The following OGFR variants were observed in gnomAD, a reference collection of about 807,000 sequenced individuals.
The protein encoded by OGFR is protein 7-60.
A neutral mutation model predicts 33.6 loss-of-function variants in OGFR; 18 were observed. The observed-to-expected ratio is 0.54, with a 90% CI of 0.37 to 0.80. The LOEUF (loss-of-function observed/expected upper bound fraction) is 0.80, where lower values mean the gene tolerates loss of function less well. OGFR is among the 30% of genes least tolerant of loss of function. The pLI is 0.00. For missense variants in OGFR, 877 were observed against 955.8 expected, an observed-to-expected ratio of 0.92 and a Z score of 1.09; for synonymous variants, 370 against 400.7, an observed-to-expected ratio of 0.92 and a Z score of 0.91.
At position 62,808,324 on chromosome 20, in the gene OGFR, C is replaced by T. The variant is rs1280719375; in HGVS notation, c.318C>T (p.Asn106=). The T allele has an allele frequency of 1.3e-5, 21 of 1,610,880 alleles. No homozygotes were observed. Among genetic ancestry groups the T allele is most frequent in the African/African-American group, 9.3e-5 (7 of 74,878 alleles). ...FYRNEIRFLP[N]GCFIEDILQN... ...GAAATGAGATCCGCTTCCTGCCCAA[C>T]GGTAGGTGCCTCACAACCACTGGCA... Residue 106 remains asparagine (N), a splice_region_variant and synonymous_variant, in exon 3 of 7, where the codon AAC becomes AAT. Transcript: ENST00000290291.
chr20:62,807,139 A>G, intron 1 of OGFR: 1 of 245,856 alleles, frequency 4.1e-6, no homozygotes, highest in Non-Finnish European at 8.0e-6. Flanking sequence ...GGGGCACAGA[A>G]CAGAGGCTAA....
In OGFR at chr20:62,808,311, G is replaced by A. The variant is rs930771693; in HGVS notation, c.305G>A (p.Arg102His). ...CTGAGTTTCTACAGAAATGAGATCC[G>A]CTTCCTGCCCAACGGTAGGTGCCTC... Reference protein sequence around the residue: ...PNLSFYRNEIRFLPNGCFIED... With the variant: ...PNLSFYRNEIHFLPNGCFIED... The change falls in exon 3 of 7, where the codon CGC becomes CAC. Residue 102 changes from arginine (R) to histidine (H), a missense_variant. Coordinates refer to ENST00000290291, the MANE Select transcript of OGFR (RefSeq NM_007346.4). 1.7e-5 allele frequency: 27 copies of A among 1,612,814 alleles called. No homozygotes were observed. Among genetic ancestry groups the A allele is most frequent in the African/African-American group, 2.7e-5 (2 of 74,916 alleles).
rs1008093564 is a variant in OGFR at position 62,813,606 on chromosome 20, A to T, written c.1991A>T (p.Gln664Leu). 1.2e-6 allele frequency: 2 copies of T among 1,612,718 alleles called. No individual in the cohort carries two copies. Among genetic ancestry groups the T allele is most frequent in the African/African-American group, 2.7e-5 (2 of 74,912 alleles). ...AAGGCGGGGGAGGCAGCAGAGTTGC[A>T]GGACGCAGAGGTGGAGTCTTCTGCC... ...PAKAGEAAEL[Q>L]DAEVESSAKS... is the part of the protein sequence containing the mutation. The change falls in exon 7 of 7, where the codon CAG becomes CTG. Residue 664 changes from glutamine to leucine, a missense_variant. Coordinates refer to ENST00000290291, the MANE Select transcript of OGFR (RefSeq NM_007346.4).
At chr20:62,809,709 G>A (rs45585738) in intron 4 of OGFR, 46 bp downstream of exon 4, 159,564 of 1,336,806 alleles carry the variant, frequency 0.12, 18,865 homozygotes, top group Middle Eastern at 0.17. Flanking sequence ...GAGGCCACAG[G>A]GGGAGGGCCC....
chr20:62,812,356 G>C lies in OGFR; in HGVS notation c.741G>C (p.Pro247=). Residue 247 remains proline (P), a synonymous_variant, in exon 7 of 7, where the codon CCG becomes CCC. Transcript: ENST00000290291. ...LEETLVRREL[P]GVRQSALDYF... ...AGACGCTGGTGCGGCGGGAGCTGCC[G>C]GGGGTGCGGCAGAGTGCCCTGGACT... 6.4e-7 allele frequency: 1 copy of C among 1,560,810 alleles called. No individual in the cohort carries two copies. Among genetic ancestry groups the C allele is most frequent in the Non-Finnish European group, 8.7e-7 (1 of 1,153,324 alleles).
At chr20:62,809,400 A>G (rs1399424240) in intron 3 of OGFR, among the ~76,000 whole-genome samples, 185 bp from the exon 4 acceptor site, 4 of 152,222 alleles carry the variant, frequency 2.6e-5, no homozygotes, top group African/African-American at 4.8e-5. Context: ...AGGGCTGTGC[A>G]TCGGAGGAGG....
Position 62,809,672 on chromosome 20 carries a change from G to A in OGFR, c.398+9G>A. On this transcript the variant is annotated intron_variant, in intron 4 of 6. Transcript: ENST00000290291. The stretch of plus-strand genomic sequence containing the variant: ...CACTCCTACATCCAGTGGTGAGTTG[G>A]GGAGGATGGGGGGATGGGGGGTTGG... The A allele has an allele frequency of 6.3e-7, 1 of 1,593,438 alleles. No individual in the cohort carries two copies. The highest frequency in any genetic ancestry group is 8.6e-7 in the Non-Finnish European group (1 of 1,163,852).
At chr20:62,805,492 CG>C (rs1990570150) in intron 1 of OGFR, 1 of 153,212 alleles carries the variant, frequency 6.5e-6, no homozygotes, top group Non-Finnish European at 1.5e-5. Flanking sequence ...GGCGGGCCGA[CG>C]GGGCCTCCGC....
chr20:62,806,575 A>C (rs1320364774), intron 1 of OGFR: 1 of 151,986 alleles, frequency 6.6e-6, no homozygotes, highest in Non-Finnish European at 1.5e-5. Context: ...AGGGGAAAAA[A>C]ATAAGAAAGA....
At chr20:62,808,406 G>C in intron 3 of OGFR, 81 bp downstream of exon 3, 1 of 1,074,384 alleles carries the variant, frequency 9.3e-7, no homozygotes, top group South Asian at 1.3e-5. Context: ...GGTTTGGGAT[G>C]TACCCGGCGA....
At chr20:62,809,467 G>T in intron 3 of OGFR, 118 bp from the exon 4 acceptor site, 1 of 765,362 alleles carries the variant, frequency 1.3e-6, no homozygotes. Context: ...TGAGGGCGAG[G>T]AATAGCTTGG....
intron 5 of OGFR, 69 bp downstream of exon 5, chr20:62,810,634 G>GA: frequency 6.7e-7 from 1 of 1,494,636 alleles, no homozygotes; most frequent in African/African-American, 1.4e-5. Context: ...CCGCTGCAGA[G>GA]ACGGGGTCGC....
chr20:62,812,735 C>A lies in OGFR; in HGVS notation c.1120C>A (p.Pro374Thr). 1 of 1,603,548 alleles carries A rather than the reference C, an allele frequency of 6.2e-7. No individual in the cohort carries two copies. The highest frequency in any genetic ancestry group is 8.5e-7 in the Non-Finnish European group (1 of 1,175,588). ...GGCAGGGGGCCACGGGGAAGATAGG[C>A]CGGAGCCCTTAAGCCCCAAAGAGAG... ...DEAGGHGEDR[P>T]EPLSPKESKK... Residue 374 changes from proline to threonine, a missense_variant, in exon 7 of 7, where the codon CCG becomes ACG. By Grantham distance (38) the Pro-to-Thr change is conservative. Around this residue, in one of 3 missense-constraint regions of OGFR, gnomAD observed 760 missense variants for 736.0 expected, o/e 1.03. Coordinates refer to ENST00000290291, the MANE Select transcript of OGFR (RefSeq NM_007346.4).
In OGFR at chr20:62,811,509, C is replaced by T. The variant is rs1017118352; in HGVS notation, c.513C>T (p.Tyr171=). Reference sequence around the variant, plus strand: ...TCCAGGAGCGGCTTGTCCGGGCCTACGAGCTCATGCTGGGCTTCTACGGGA... The same window carrying T: ...TCCAGGAGCGGCTTGTCCGGGCCTATGAGCTCATGCTGGGCTTCTACGGGA... ...QEIQERLVRA[Y]ELMLGFYGIR... The change falls in exon 6 of 7, where the codon TAC becomes TAT. Residue 171 remains tyrosine (Y), a synonymous_variant. Coordinates refer to ENST00000290291, the MANE Select transcript of OGFR (RefSeq NM_007346.4). 7 of 1,608,258 alleles carry T rather than the reference C, an allele frequency of 4.4e-6. No individual in the cohort carries two copies. In the African/African-American group the frequency reaches 5.3e-5, roughly 12 times the overall value.
At chr20:62,809,723 C>T in intron 4 of OGFR, 60 bp downstream of exon 4, 2 of 1,328,514 alleles carry the variant, frequency 1.5e-6, no homozygotes, top group Non-Finnish European at 2.2e-6. Flanking sequence ...AGGGCCCTCC[C>T]AGGCAGGAGC....
Position 62,811,626 on chromosome 20 carries a change from T to TGGGGG in OGFR, c.614+16_614+17insGGGGG. 1.3e-6 allele frequency: 2 copies of TGGGGG among 1,502,422 alleles called. No homozygotes were observed. The highest frequency in any genetic ancestry group is 1.8e-6 in the Non-Finnish European group (2 of 1,110,028). 93.1% of individuals were successfully genotyped at this position (1,502,422 alleles called of 1,614,324 possible). ...ACCTGAACTGGTGAGGCCCGGCTGC[T>TGGGGG]CCCGCCCACCCCCACCCCGGCGCAG... On this transcript the variant is annotated intron_variant, in intron 6 of 6. Transcript: ENST00000290291.
At chr20:62,808,826 T>A (rs573615265) in intron 3 of OGFR, among the ~76,000 whole-genome samples, 2 of 151,732 alleles carry the variant, frequency 1.3e-5, no homozygotes, top group South Asian at 4.2e-4. Context: ...ACAAAAAAAA[T>A]TAGCCAGGTG....
At chr20:62,809,001 A>T (rs1990663039) in intron 3 of OGFR, among the ~76,000 whole-genome samples, 1 of 143,236 alleles carries the variant, frequency 7.0e-6, no homozygotes, top group Non-Finnish European at 1.5e-5. Context: ...AAAAAAAAAA[A>T]AAGAACAGTG....
chr20:62,813,177 C>G lies in OGFR; in HGVS notation c.1562C>G (p.Thr521Ser). The change falls in exon 7 of 7, where the codon ACC becomes AGC. Residue 521 changes from threonine to serine, a missense_variant. By Grantham distance (58) the Thr-to-Ser change is moderately conservative (BLOSUM62 1). Around this residue, in one of 3 missense-constraint regions of OGFR, gnomAD observed 760 missense variants for 736.0 expected, o/e 1.03. Coordinates refer to ENST00000290291, the MANE Select transcript of OGFR (RefSeq NM_007346.4). ...KEGTPGSPSETPGPSPAGPAG... is the reference protein window; with the variant it reads ...KEGTPGSPSESPGPSPAGPAG... ...GGTACCCCTGGGAGCCCATCGGAGACCCCAGGCCCCAGCCCAGCAGGACCT... is the reference window on the plus strand; with the variant it reads ...GGTACCCCTGGGAGCCCATCGGAGAGCCCAGGCCCCAGCCCAGCAGGACCT... The G allele has an allele frequency of 1.3e-6, 2 of 1,528,054 alleles. No homozygotes were observed. The highest frequency in any genetic ancestry group is 1.8e-6 in the Non-Finnish European group (2 of 1,119,050). The allele number at this position is 1,528,054 out of a possible 1,614,324, so 94.7% of individuals were successfully genotyped here.
Sources: allele counts gnomAD v4.1 joint callset (sites outside exome capture counted in the v4.1 genomes callset), GRCh38; gene constraint gnomAD v4.1.1; regional missense constraint gnomAD v4.1.1; transcripts MANE v1.5; gene names NCBI Gene and HGNC (gene_info 2026-07-23, HGNC 2026-07-21).